Variants in SDK2 observed in about 807,000 individuals in gnomAD.
SDK2 encodes the protein sidekick cell adhesion molecule 2, also known as protein sidekick-2.
Under a neutral mutation model 253.9 loss-of-function variants are expected in SDK2, and 105 were observed. That is an observed-to-expected ratio of 0.41 (90% CI 0.35 to 0.49). The LOEUF is 0.49. SDK2 is among the 20% of genes least tolerant of loss of function. The pLI, the probability that SDK2 is intolerant of heterozygous loss-of-function variation, is 0.06. For missense variants in SDK2, 2,608 were observed against 3,003.0 expected (o/e 0.87, Z 3.07); for synonymous variants, 1,249 against 1,234.9 (o/e 1.01, Z -0.24).
chr17:73,569,637 G>A (rs1362480784), intron 1 of SDK2, among the ~76,000 whole-genome samples: 4 of 129,486 alleles, frequency 3.1e-5, no homozygotes, highest in African/African-American at 1.4e-4. Context: ...CTGCATCCAG[G>A]CATTGGAATT....
At position 73,507,491 on chromosome 17, in the gene SDK2, C is replaced by T; in HGVS notation, c.171G>A (p.Glu57=). The T allele has an allele frequency of 6.4e-7, 1 of 1,551,644 alleles. No individual in the cohort carries two copies. The highest frequency in any genetic ancestry group is 8.7e-7 in the Non-Finnish European group (1 of 1,146,964). The change falls in exon 2 of 45, where the codon GAG becomes GAA. Residue 57 remains glutamate (E), a synonymous_variant. Transcript: ENST00000392650. ...TCMAEGSWPL[E]FKWLHNNREL... The stretch of plus-strand genomic sequence containing the variant: ...CCCTGTTGTTGTGGAGCCACTTGAA[C>T]TCCAGTGGCCAGCTGCCCTCGGCCA...
chr17:73,393,654 T>G lies in SDK2; in HGVS notation c.3804A>C (p.Lys1268Asn), dbSNP rs1256641105. ...SRSAQLTGLG[K>N]YVLYEVQVLA... ...GCACCTGGACTTCATAGAGCACGTA[T>G]TTGCCCAAGCCGGTGAGCTGGGCAC... The change falls in exon 27 of 45, where the codon AAA becomes AAC. Residue 1268 changes from lysine (K) to asparagine (N), a missense_variant. By Grantham distance (94) the Lys-to-Asn change is moderately conservative (BLOSUM62 0). Transcript: ENST00000392650. The G allele has an allele frequency of 6.2e-7, 1 of 1,601,204 alleles. No homozygotes were observed. Among genetic ancestry groups the G allele is most frequent in the Admixed American group, 1.7e-5 (1 of 59,684 alleles).
intron 2 of SDK2, among the ~76,000 whole-genome samples, chr17:73,498,958 C>T (rs1247439428): frequency 1.3e-5 from 2 of 152,206 alleles, no homozygotes; most frequent in Non-Finnish European, 2.9e-5. Flanking sequence ...TGCCGAACCT[C>T]TCTGAGCTGT....
intron 1 of SDK2, among the ~76,000 whole-genome samples, chr17:73,556,288 G>A (rs1412725512): frequency 6.6e-6 from 1 of 152,170 alleles, no homozygotes; most frequent in Non-Finnish European, 1.5e-5. Flanking sequence ...ATAATTCCAA[G>A]AAGCCAGCGG....
In SDK2 at chr17:73,398,106, G is replaced by A. The variant is rs2062987200; in HGVS notation, c.3283C>T (p.Pro1095Ser). The A allele has an allele frequency of 6.2e-7, 1 of 1,613,648 alleles. No individual in the cohort carries two copies. Among genetic ancestry groups the A allele is most frequent in the Non-Finnish European group, 8.5e-7 (1 of 1,179,892 alleles). Reference sequence around the variant, plus strand: ...ACATTGGCTGGGGCCATGTCAGGGGGTGCCTGCAGGGTCTGGATCTTTCTA... The same window carrying A: ...ACATTGGCTGGGGCCATGTCAGGGGATGCCTGCAGGGTCTGGATCTTTCTA... ...PSRKIQTLQA[P>S]PDMAPANVSL... The change falls in exon 24 of 45, where the codon CCC becomes TCC. Residue 1095 changes from proline to serine, a missense_variant. Physicochemically the swap from Pro to Ser is moderately conservative, Grantham distance 74. This residue lies in a region of SDK2 where 1,505 missense variants were observed against 1,859.1 expected (regional missense o/e 0.81). Coordinates refer to ENST00000392650, the MANE Select transcript of SDK2 (RefSeq NM_001144952.2).
intron 2 of SDK2, among the ~76,000 whole-genome samples, chr17:73,488,314 C>A (rs1217539923): frequency 6.6e-6 from 1 of 152,222 alleles, no homozygotes; most frequent in Non-Finnish European, 1.5e-5. Context: ...CCACGCCCGG[C>A]CAAGATGGCT....
intron 44 of SDK2, among the ~76,000 whole-genome samples, chr17:73,339,932 G>A (rs2062420333): frequency 6.6e-6 from 1 of 151,800 alleles, no homozygotes; most frequent in Non-Finnish European, 1.5e-5. Flanking sequence ...ATGCAATGGT[G>A]CAATCTGGGC....
chr17:73,429,026 C>A (rs897089592), intron 12 of SDK2, among the ~76,000 whole-genome samples: 6 of 152,136 alleles, frequency 3.9e-5, no homozygotes, highest in Non-Finnish European at 8.8e-5. Context: ...CCCCCGAATC[C>A]CATTATGCAT....
At chr17:73,342,245 T>A (rs894359896) in intron 44 of SDK2, among the ~76,000 whole-genome samples, 1 of 151,676 alleles carries the variant, frequency 6.6e-6, no homozygotes, top group African/African-American at 2.4e-5. Flanking sequence ...AGGACCTCAA[T>A]CCTCTTGGCA....
intron 27 of SDK2, 45 bp downstream of exon 27, chr17:73,393,515 C>T (rs375225747): frequency 3.5e-5 from 51 of 1,461,614 alleles, no homozygotes; most frequent in South Asian, 1.1e-4. Flanking sequence ...GGAGGAAGGG[C>T]GGCTCCTCCC....
At chr17:73,429,819 G>C (rs1013802048) in intron 12 of SDK2, among the ~76,000 whole-genome samples, 3 of 152,202 alleles carry the variant, frequency 2.0e-5, no homozygotes, top group Non-Finnish European at 4.4e-5. Flanking sequence ...GGTGGGGGTA[G>C]GGTTTGGTTC....
intron 1 of SDK2, among the ~76,000 whole-genome samples, chr17:73,574,329 T>C (rs2145872468): frequency 6.6e-6 from 1 of 152,366 alleles, no homozygotes; most frequent in Non-Finnish European, 1.5e-5. Context: ...TTTAAATCCA[T>C]TGTTGATTAA....
intron 15 of SDK2, among the ~76,000 whole-genome samples, chr17:73,421,241 G>A (rs926000419): frequency 2.8e-4 from 43 of 151,256 alleles, no homozygotes; most frequent in Non-Finnish European, 4.4e-4. Flanking sequence ...CTCTCCACAC[G>A]GGCTGCCACC....
intron 33 of SDK2, 25 bp from the exon 34 acceptor site, chr17:73,380,975 G>T: frequency 7.4e-7 from 1 of 1,348,330 alleles, no homozygotes; most frequent in Non-Finnish European, 1.0e-6. Context: ...TGCCGGGGCG[G>T]GGGCGCAGAG....
chr17:73,484,051 T>C (rs1006087659), intron 2 of SDK2, among the ~76,000 whole-genome samples: 5 of 152,122 alleles, frequency 3.3e-5, no homozygotes, highest in African/African-American at 1.2e-4. Flanking sequence ...GAGCATCTCC[T>C]CTCACCTCGA....
chr17:73,589,050 A>T (rs1203669670), intron 1 of SDK2, among the ~76,000 whole-genome samples: 2 of 152,278 alleles, frequency 1.3e-5, no homozygotes, highest in Non-Finnish European at 2.9e-5. Context: ...TTGACCTTGC[A>T]TGGAGAGAGG....
chr17:73,365,086 G>A (rs76026041), intron 38 of SDK2, among the ~76,000 whole-genome samples, 172 bp downstream of exon 38: 2,422 of 152,292 alleles, frequency 0.016, 70 homozygotes, highest in African/African-American at 0.054. Flanking sequence ...ACTTGCTGTT[G>A]TTTTACCTTG....
chr17:73,385,758 C>G, intron 32 of SDK2, 89 bp downstream of exon 32: 1 of 1,239,904 alleles, frequency 8.1e-7, no homozygotes, highest in Non-Finnish European at 1.2e-6. Context: ...GGGGGCTCCA[C>G]GCAGCCCTGG....
At chr17:73,414,313 T>C (rs1234854370) in intron 18 of SDK2, among the ~76,000 whole-genome samples, 2 of 151,964 alleles carry the variant, frequency 1.3e-5, no homozygotes, top group Admixed American at 6.6e-5. Flanking sequence ...GCCTCCCAAA[T>C]TGGGGATTAC....
Sources: allele counts gnomAD v4.1 joint callset (sites outside exome capture counted in the v4.1 genomes callset), GRCh38; gene constraint gnomAD v4.1.1; regional missense constraint gnomAD v4.1.1; transcripts MANE v1.5; gene names NCBI Gene and HGNC (gene_info 2026-07-23, HGNC 2026-07-21).